Variants in TAF1 observed in about 807,000 individuals in gnomAD.
TAF1 encodes transcription initiation factor TFIID subunit 1.
A neutral mutation model predicts 138.5 loss-of-function variants in TAF1; 2 were observed. The observed-to-expected ratio is 0.01, with a 90% CI of 0.01 to 0.05. The LOEUF is 0.05. Ranked by LOEUF, TAF1 falls within the 10% of genes least tolerant of loss-of-function variation. TAF1 has a pLI of 1.00. For synonymous variants in TAF1, 437 were observed against 503.2 expected (o/e 0.87, Z 1.76); for missense variants, 709 against 1,478.0 (o/e 0.48, Z 8.53).
At chrX:71,409,523 C>T (rs1308772455) in intron 28 of TAF1, among the ~76,000 whole-genome samples, 1 of 111,951 alleles carries the variant, frequency 8.9e-6, no homozygotes, top group African/African-American at 3.2e-5. Flanking sequence ...CACAGATTCA[C>T]AGATATAAAT....
intron 28 of TAF1, among the ~76,000 whole-genome samples, chrX:71,412,387 C>T (rs1486415515): frequency 9.0e-6 from 1 of 111,025 alleles, no homozygotes; most frequent in Admixed American, 9.6e-5. Context: ...ACTTGGCCTC[C>T]CAAAGTGCTG....
At chrX:71,421,233 A>G in intron 28 of TAF1, 76 bp from the exon 29 acceptor site, 5 of 936,338 alleles carry the variant, frequency 5.3e-6, no homozygotes, top group Non-Finnish European at 7.7e-6. Context: ...AAGTAAGTGC[A>G]TTAAAAGGAT....
intron 32 of TAF1, among the ~76,000 whole-genome samples, chrX:71,432,245 C>A (rs1322333710): frequency 9.0e-6 from 1 of 110,770 alleles, no homozygotes; most frequent in Non-Finnish European, 1.9e-5. Context: ...TCGTATAGGT[C>A]AAAGAGAAGA....
At chrX:71,460,953 G>GCCTA in intron 37 of TAF1, 150 bp downstream of exon 37, 1 of 768,508 alleles carries the variant, frequency 1.3e-6, no homozygotes, top group African/African-American at 2.1e-5. Flanking sequence ...GATACACAGA[G>GCCTA]GAGCAAAACA....
intron 25 of TAF1, 77 bp from the exon 26 acceptor site, chrX:71,406,561 T>C: frequency 9.6e-7 from 1 of 1,042,009 alleles, no homozygotes; most frequent in Non-Finnish European, 1.3e-6. Context: ...TTGGACTTTT[T>C]TTTAATTATA....
chrX:71,438,157 G>A (rs1253722599), intron 32 of TAF1, among the ~76,000 whole-genome samples: 2 of 111,031 alleles, frequency 1.8e-5, no homozygotes, highest in African/African-American at 6.6e-5. Flanking sequence ...CTATTTTTAA[G>A]TGTACAAATC....
intron 18 of TAF1, among the ~76,000 whole-genome samples, chrX:71,391,511 C>T (rs745808338): frequency 2.2e-4 from 24 of 110,312 alleles, no homozygotes; most frequent in South Asian, 1.2e-3. Flanking sequence ...TAGTGAGACC[C>T]TGTCTCTAAA....
chrX:71,411,090 T>A (rs942671511), intron 28 of TAF1, among the ~76,000 whole-genome samples: 4 of 110,855 alleles, frequency 3.6e-5, no homozygotes, highest in Non-Finnish European at 5.7e-5. Flanking sequence ...GCTGATTTTC[T>A]CTTTTGAAGC....
At chrX:71,403,738 C>T (rs1417477575) in intron 25 of TAF1, among the ~76,000 whole-genome samples, 1 of 110,732 alleles carries the variant, frequency 9.0e-6, no homozygotes, top group African/African-American at 3.3e-5. Flanking sequence ...CATTAGCTAA[C>T]ATTTTTCTAT....
intron 15 of TAF1, 78 bp downstream of exon 15, chrX:71,387,539 C>T: frequency 8.9e-7 from 1 of 1,123,316 alleles, no homozygotes. Flanking sequence ...CGGCTCATGG[C>T]TGTAATCCCA....
intron 14 of TAF1, among the ~76,000 whole-genome samples, chrX:71,529,068 TTTTG>T (rs1260352117): frequency 7.4e-5 from 8 of 108,439 alleles, no homozygotes; most frequent in African/African-American, 2.7e-4. Flanking sequence ...GATTGGTGCG[TTTTG>T]TTTTTGTTTT....
At chrX:71,481,027 C>G (rs1890696296) in intron 13 of TAF1, among the ~76,000 whole-genome samples, 1 of 112,272 alleles carries the variant, frequency 8.9e-6, no homozygotes, top group African/African-American at 3.2e-5. Flanking sequence ...GCCTGTAATC[C>G]CAGCATTTTG....
At chrX:71,380,842 C>T (rs920769846) in intron 8 of TAF1, among the ~76,000 whole-genome samples, 2 of 111,250 alleles carry the variant, frequency 1.8e-5, no homozygotes, top group East Asian at 2.8e-4. Context: ...AGGCGTGCAC[C>T]GCTGTGCCCA....
At chrX:71,397,765 G>A (rs1030389088) in intron 23 of TAF1, among the ~76,000 whole-genome samples, 3 of 111,274 alleles carry the variant, frequency 2.7e-5, no homozygotes, top group African/African-American at 9.8e-5. Flanking sequence ...TTACAGGCAT[G>A]AACCACGGCA....
chrX:71,417,531 AT>A (rs1297116589), intron 28 of TAF1, among the ~76,000 whole-genome samples: 6 of 104,241 alleles, frequency 5.8e-5, no homozygotes, highest in Middle Eastern at 4.9e-3. Flanking sequence ...TAGTTTTTGT[AT>A]TTTTTTTTTC....
chrX:71,389,729 A>C lies in TAF1; in HGVS notation c.2781+64A>C, dbSNP rs2034450291. The C allele has an allele frequency of 2.3e-6, 2 of 873,328 alleles. 1 individual carries two copies. Among genetic ancestry groups the C allele is most frequent in the African/African-American group, 4.1e-5 (2 of 49,226 alleles). 72.0% of individuals were successfully genotyped at this position (873,328 alleles called of 1,213,427 possible). A position where few individuals can be genotyped will look rare whatever the true frequency, so the allele number is the denominator to read the frequency against. ...TCTCATTTATCCTTTTAAAAGAGAC[A>C]GCTTTATTGAGATAACATAAAATAA... On this transcript the variant is annotated intron_variant, in intron 18 of 37. Coordinates refer to ENST00000423759, the MANE Select transcript of TAF1 (RefSeq NM_004606.5).
Position 71,367,565 on chromosome X carries a change from G to A in TAF1, c.187G>A (p.Ala63Thr). Residue 63 changes from alanine to threonine, a missense_variant, in exon 2 of 38, where the codon GCA becomes ACA. Ala to Thr is a moderately conservative substitution (Grantham distance 58). Coordinates refer to ENST00000423759, the MANE Select transcript of TAF1 (RefSeq NM_004606.5). Reference sequence around the variant, plus strand: ...GGGCAGCCTGATCACTGAACTCACGGCAAATGAAGAATTGACCGGGACTGA... The same window carrying A: ...GGGCAGCCTGATCACTGAACTCACGACAAATGAAGAATTGACCGGGACTGA... ...GLGSLITELTANEELTGTDGA... is the reference protein window; with the variant it reads ...GLGSLITELTTNEELTGTDGA... 1 of 1,211,898 alleles carries A rather than the reference G, an allele frequency of 8.3e-7. No homozygotes were observed. The highest frequency in any genetic ancestry group is 1.1e-6 in the Non-Finnish European group (1 of 895,578).
At chrX:71,491,014 G>T (rs1251617767) in intron 13 of TAF1, 1 of 99,843 alleles carries the variant, frequency 1.0e-5, no homozygotes, top group Non-Finnish European at 2.0e-5. Flanking sequence ...ACCAAGCTGG[G>T]TTTTTTTGTT....
At chrX:71,393,015 TTTAGAGTATAC>T (rs763177107) in intron 20 of TAF1, 21 bp downstream of exon 20, 1 of 1,207,588 alleles carries the variant, frequency 8.3e-7, no homozygotes, top group East Asian at 3.0e-5. Context: ...AAGTGGAAAA[TTTAGAGTATAC>T]TAGGGGCTTT....
Sources: allele counts gnomAD v4.1 joint callset (sites outside exome capture counted in the v4.1 genomes callset), GRCh38; gene constraint gnomAD v4.1.1; transcripts MANE v1.5; gene names NCBI Gene and HGNC (gene_info 2026-07-23, HGNC 2026-07-21).